NOX1: variants seen among roughly 807,000 people sequenced by gnomAD.
NOX1 encodes NADH/NADPH mitogenic oxidase subunit P65-MOX.
Under a neutral mutation model 42.5 loss-of-function variants are expected in NOX1, and 34 were observed. The observed-to-expected ratio is 0.80, with a 90% CI of 0.61 to 1.07. The LOEUF is 1.07. Among genes scored for constraint, NOX1 ranks in the 50% least tolerant of loss-of-function variants. The pLI, the probability that NOX1 is intolerant of heterozygous loss-of-function variation, is 0.00. For missense variants in NOX1, 408 were observed against 427.0 expected (o/e 0.96, Z 0.39); for synonymous variants, 143 against 152.5 (o/e 0.94, Z 0.46).
intron 7 of NOX1, among the ~76,000 whole-genome samples, chrX:100,853,330 TTC>T (rs61162387): frequency 0.034 from 537 of 15,592 alleles, 6 homozygotes; most frequent in African/African-American, 0.098. Context: ...TTCTCTCTCT[TTC>T]TCTTTCTTTC....
At chrX:100,852,279 G>A (rs931204044) in intron 7 of NOX1, among the ~76,000 whole-genome samples, 18 of 111,367 alleles carry the variant, frequency 1.6e-4, no homozygotes, top group African/African-American at 5.2e-4. Flanking sequence ...GACCAGCCTG[G>A]CCAACATGGT....
At chrX:100,846,056 G>A (rs1371160461) in intron 12 of NOX1, among the ~76,000 whole-genome samples, 4 of 111,214 alleles carry the variant, frequency 3.6e-5, no homozygotes, top group Non-Finnish European at 7.5e-5. Flanking sequence ...AAAGTGCTGG[G>A]ATTACAGGCA....
intron 2 of NOX1, among the ~76,000 whole-genome samples, chrX:100,866,488 C>CTG (rs36112590): frequency 0.47 from 45,012 of 96,197 alleles, 8,731 homozygotes; most frequent in Middle Eastern, 0.56. Flanking sequence ...GTGTGTGTCC[C>CTG]TGTGTGTGTG....
intron 2 of NOX1, among the ~76,000 whole-genome samples, chrX:100,865,553 C>T (rs988339021): frequency 4.5e-5 from 5 of 112,356 alleles, no homozygotes; most frequent in African/African-American, 1.6e-4. Flanking sequence ...TACTTCATAG[C>T]GAATCAAATT....
At chrX:100,873,899 G>C (rs1170893929) in intron 1 of NOX1, among the ~76,000 whole-genome samples, 196 bp downstream of exon 1, 2 of 111,994 alleles carry the variant, frequency 1.8e-5, no homozygotes, top group Non-Finnish European at 3.8e-5. Flanking sequence ...CTTGTGATTT[G>C]ACAACATGAA....
chrX:100,846,226 CTG>C (rs1384822122), intron 12 of NOX1, among the ~76,000 whole-genome samples: 1 of 112,366 alleles, frequency 8.9e-6, no homozygotes, highest in Admixed American at 9.4e-5. Flanking sequence ...CAGCTGGAAA[CTG>C]TGTTTAACAC....
chrX:100,863,021 G>A, intron 4 of NOX1, 138 bp downstream of exon 4: 1 of 615,804 alleles, frequency 1.6e-6, no homozygotes, highest in Non-Finnish European at 2.7e-6. Context: ...TAAGCTCCAT[G>A]AAAACAGGCC....
Position 100,849,412 on chromosome X carries a change from C to T in NOX1, c.1311G>A (p.Trp437Ter). ...AAAAGGCACCTGTCTCCCTGCAGAT[C>T]CAGTAGAAATAGATCTGAAATCAGC... ...NLKTKKIYFY[W>*]ICRETGAFSW... Residue 437 changes from tryptophan (W) to a stop codon, truncating the protein, a stop_gained, in exon 11 of 13, where the codon TGG (tryptophan) becomes TGA (stop). Transcript: ENST00000372966. LOFTEE classifies it high-confidence loss of function. 1 of 1,210,443 alleles carries T rather than the reference C, an allele frequency of 8.3e-7. No individual in the cohort carries two copies. Among genetic ancestry groups the T allele is most frequent in the Non-Finnish European group, 1.1e-6 (1 of 894,688 alleles).
chrX:100,861,269 A>C (rs780835590), intron 7 of NOX1, among the ~76,000 whole-genome samples: 1 of 111,759 alleles, frequency 8.9e-6, no homozygotes, highest in South Asian at 3.8e-4. Flanking sequence ...ATTGTGCTAA[A>C]AATTATTCAT....
chrX:100,849,032 C>T (rs2085094547), intron 11 of NOX1, among the ~76,000 whole-genome samples: 1 of 110,548 alleles, frequency 9.0e-6, no homozygotes, highest in Admixed American at 9.5e-5. Flanking sequence ...GCCAAGATCG[C>T]ACCATTGCAC....
intron 7 of NOX1, among the ~76,000 whole-genome samples, chrX:100,853,316 T>TTC (rs1569445665): frequency 2.6e-4 from 22 of 83,831 alleles, no homozygotes; most frequent in African/African-American, 1.0e-3. Flanking sequence ...CTTTCTTTCT[T>TTC]TCTTTCTCTC....
chrX:100,867,234 G>A (rs769374504), intron 2 of NOX1, among the ~76,000 whole-genome samples: 139 of 110,715 alleles, frequency 1.3e-3, no homozygotes, highest in African/African-American at 4.2e-3. Flanking sequence ...GGGTTTCACC[G>A]TGGTCTCGAT....
chrX:100,866,667 G>T (rs1204800408), intron 2 of NOX1, among the ~76,000 whole-genome samples: 1 of 109,643 alleles, frequency 9.1e-6, no homozygotes, highest in African/African-American at 3.3e-5. Flanking sequence ...TGATCTCATT[G>T]GAAGCAGCAT....
intron 7 of NOX1, among the ~76,000 whole-genome samples, chrX:100,857,661 G>A (rs1374028085): frequency 9.0e-6 from 1 of 110,554 alleles, no homozygotes; most frequent in Non-Finnish European, 1.9e-5. Flanking sequence ...ATGCTTGTTG[G>A]CTGCGTGTGT....
intron 12 of NOX1, among the ~76,000 whole-genome samples, chrX:100,845,950 AT>A (rs373390283): frequency 9.2e-6 from 1 of 108,956 alleles, no homozygotes; most frequent in African/African-American, 3.3e-5. Flanking sequence ...CACCCGGCTA[AT>A]TTTTTTTTGT....
chrX:100,874,246 G>A lies in NOX1; in HGVS notation c.-107C>T. 1 of 533,229 alleles carries A rather than the reference G, an allele frequency of 1.9e-6. No homozygotes were observed. Among genetic ancestry groups the A allele is most frequent in the South Asian group, 3.1e-5 (1 of 32,001 alleles). The allele number at this position is 533,229 out of a possible 1,213,427, so 43.9% of individuals were successfully genotyped here. On this transcript the variant is annotated 5_prime_UTR_variant, in exon 1 of 13. Coordinates refer to ENST00000372966, the MANE Select transcript of NOX1 (RefSeq NM_007052.5). ...AACATTTGTCCAGCGCAGGGTCTGT[G>A]AGCCTTTAAGATGTGAAAAACACAC...
In NOX1 at chrX:100,843,442, T is replaced by C; in HGVS notation, c.*510A>G. The C allele has an allele frequency of 1.8e-6, 2 of 1,118,766 alleles. No homozygotes were observed. Among genetic ancestry groups the C allele is most frequent in the Non-Finnish European group, 2.3e-6 (2 of 854,857 alleles). The allele number at this position is 1,118,766 out of a possible 1,213,427, so 92.2% of individuals were successfully genotyped here. On this transcript the variant is annotated 3_prime_UTR_variant, in exon 13 of 13. Transcript: ENST00000372966. ...AAACATGTACACTGTTGGTGTTATA[T>C]GGGGATGGGGTTCTCGGTAATTTTG...
intron 7 of NOX1, among the ~76,000 whole-genome samples, chrX:100,858,331 T>C (rs6620948): frequency 8.9e-6 from 1 of 112,400 alleles, no homozygotes; most frequent in East Asian, 2.8e-4. Context: ...TTGGTTGCTG[T>C]AGCCTTGTAT....
At chrX:100,869,408 A>C (rs1190752161) in intron 2 of NOX1, among the ~76,000 whole-genome samples, 1 of 105,840 alleles carries the variant, frequency 9.4e-6, no homozygotes, top group African/African-American at 3.4e-5. Flanking sequence ...TAGGTATTTT[A>C]TTCTCTTTGA....
Sources: allele counts gnomAD v4.1 joint callset (sites outside exome capture counted in the v4.1 genomes callset), GRCh38; gene constraint gnomAD v4.1.1; transcripts MANE v1.5; gene names NCBI Gene and HGNC (gene_info 2026-07-23, HGNC 2026-07-21).